The following MAST4 variants were observed in gnomAD, a reference collection of about 807,000 sequenced individuals.
MAST4 encodes microtubule-associated serine/threonine-protein kinase 4.
Under a neutral mutation model 162.7 loss-of-function variants are expected in MAST4, and 89 were observed. The observed-to-expected ratio is 0.55, with a 90% CI of 0.46 to 0.65. The LOEUF (loss-of-function observed/expected upper bound fraction) is 0.65. Ranked by LOEUF, MAST4 falls within the 30% of genes least tolerant of loss-of-function variation. The pLI, the probability that MAST4 is intolerant of heterozygous loss-of-function variation, is 0.00. For synonymous variants in MAST4, 1,479 were observed against 1,361.1 expected, an observed-to-expected ratio of 1.09 and a Z score of -1.91; for missense variants, 3,153 against 3,374.0, an observed-to-expected ratio of 0.93 and a Z score of 1.62.
intron 1 of MAST4, among the ~76,000 whole-genome samples, chr5:66,633,296 A>G (rs981719859): frequency 2.0e-5 from 3 of 152,194 alleles, no homozygotes; most frequent in African/African-American, 7.2e-5. Context: ...TCATGAAAAG[A>G]TTCCTCAACA....
chr5:66,716,061 T>TA (rs1750818894), intron 1 of MAST4, among the ~76,000 whole-genome samples: 3 of 151,794 alleles, frequency 2.0e-5, no homozygotes, highest in Admixed American at 6.6e-5. Context: ...GTATGATCAA[T>TA]AAAAAACCCT....
chr5:66,962,952 A>C (rs1746194599), intron 4 of MAST4, among the ~76,000 whole-genome samples: 4 of 152,242 alleles, frequency 2.6e-5, no homozygotes, highest in Admixed American at 2.0e-4. Flanking sequence ...CCCTAAAAAA[A>C]GAGACATGAG....
chr5:67,153,595 A>G lies in MAST4; in HGVS notation c.3648+15A>G. 1 of 1,560,882 alleles carries G rather than the reference A, an allele frequency of 6.4e-7. No homozygotes were observed. Among genetic ancestry groups the G allele is most frequent in the Non-Finnish European group, 8.7e-7 (1 of 1,152,594 alleles). ...TCCTACTGAAGGTATTGTATGTTTT[A>G]TGTCAGGGCCATGCTGATGAGACAG... On this transcript the variant is annotated intron_variant, in intron 26 of 28. Transcript: ENST00000403625.
At position 67,126,013 on chromosome 5, in the gene MAST4, CAT is replaced by C. The variant is rs1388259453; in HGVS notation, c.1746-4194_1746-4193del. On this transcript the variant is annotated intron_variant, in intron 14 of 28. Transcript: ENST00000403625. ...TGTCCAGTGATGATGAGCTTTTTTT[CAT>C]ATGTTTGTTGGCTGCATAAATGTCT... 7.9e-5 allele frequency among the ~76,000 whole-genome samples: 12 copies of C among 152,214 alleles called. No homozygotes were observed. In the East Asian group the frequency reaches 9.7e-4, roughly 12 times the overall value.
chr5:67,020,888 C>T lies in MAST4; in HGVS notation c.675-33516C>T, dbSNP rs572084242. Among the ~76,000 whole-genome samples the T allele has an allele frequency of 4.4e-4, 67 of 152,300 alleles. 1 individual carries two copies. The South Asian group carries it at 0.014, about 31-fold the overall frequency. ...TTTTGTGTACCGACCTTTATTAGAA[C>T]ACAGCTACACTGATTCCCATGGGAT... On this transcript the variant is annotated intron_variant, in intron 4 of 28. Coordinates refer to ENST00000403625, the MANE Select transcript of MAST4 (RefSeq NM_001164664.2).
chr5:66,734,493 C>T lies in MAST4; in HGVS notation c.364-25216C>T, dbSNP rs1194717505. Among the ~76,000 whole-genome samples, 3 of 152,170 alleles carry T rather than the reference C, an allele frequency of 2.0e-5. No homozygotes were observed. The East Asian group carries it at 5.8e-4, about 29-fold the overall frequency. Reference sequence around the variant, plus strand: ...TACCTCATTTGCATCAATTTACCTTCCTTTATAAATAGAAGAACTTAGCCG... The same window carrying T: ...TACCTCATTTGCATCAATTTACCTTTCTTTATAAATAGAAGAACTTAGCCG... On this transcript the variant is annotated intron_variant, in intron 1 of 28. Transcript: ENST00000403625.
chr5:66,803,911 G>A (rs1756045274), intron 3 of MAST4, among the ~76,000 whole-genome samples: 1 of 151,142 alleles, frequency 6.6e-6, no homozygotes, highest in South Asian at 2.1e-4. Context: ...TTTCCACATT[G>A]CCTACTGAGT....
At chr5:66,760,148 G>A (rs910288495) in intron 2 of MAST4, among the ~76,000 whole-genome samples, 21 of 150,268 alleles carry the variant, frequency 1.4e-4, no homozygotes, top group South Asian at 4.2e-4. Context: ...GTCTCGCTCC[G>A]TTGCTAGGCT....
At chr5:66,749,794 G>A (rs1370657210) in intron 1 of MAST4, among the ~76,000 whole-genome samples, 1 of 152,240 alleles carries the variant, frequency 6.6e-6, no homozygotes, top group Non-Finnish European at 1.5e-5. Flanking sequence ...AATTAGGATA[G>A]TAAGTGTCAG....
At chr5:66,878,955 A>G (rs1207038817) in intron 3 of MAST4, among the ~76,000 whole-genome samples, 2 of 152,240 alleles carry the variant, frequency 1.3e-5, no homozygotes, top group South Asian at 2.1e-4. Flanking sequence ...GCTCATACGC[A>G]TAGGAAATGA....
At chr5:66,924,820 G>A (rs1764780119) in intron 4 of MAST4, among the ~76,000 whole-genome samples, 1 of 152,200 alleles carries the variant, frequency 6.6e-6, no homozygotes, top group South Asian at 2.1e-4. Context: ...GGAAAAGATA[G>A]TTTACAAAGC....
chr5:67,166,469 G>C lies in MAST4; in HGVS notation c.7290G>C (p.Glu2430Asp), dbSNP rs773250991. The change falls in exon 29 of 29, where the codon GAG becomes GAC. Residue 2430 changes from glutamate (E) to aspartate (D), a missense_variant. Glu to Asp is a conservative substitution (Grantham distance 45, BLOSUM62 2). Transcript: ENST00000403625. ...CCGGTCCCCAGAAGCCACCGACGGA[G>C]GCAGACAAGCCCAATGGCATGAAAC... ...KGPGPQKPPT[E>D]ADKPNGMKRS... 1 of 1,603,004 alleles carries C rather than the reference G, an allele frequency of 6.2e-7. No individual in the cohort carries two copies. The highest frequency in any genetic ancestry group is 8.5e-7 in the Non-Finnish European group (1 of 1,174,240).
At chr5:66,629,761 T>G (rs1744677265) in intron 1 of MAST4, among the ~76,000 whole-genome samples, 1 of 152,192 alleles carries the variant, frequency 6.6e-6, no homozygotes, top group African/African-American at 2.4e-5. Flanking sequence ...TATTAACAAG[T>G]TGTTATAGTG....
intron 3 of MAST4, among the ~76,000 whole-genome samples, chr5:66,859,164 T>G (rs1759903771): frequency 6.6e-6 from 1 of 152,198 alleles, no homozygotes; most frequent in South Asian, 2.1e-4. Flanking sequence ...GGACTTTTAG[T>G]ATCTTGATAA....
intron 4 of MAST4, among the ~76,000 whole-genome samples, chr5:67,017,851 C>G (rs1465635484): frequency 1.3e-5 from 2 of 152,034 alleles, no homozygotes; most frequent in Non-Finnish European, 2.9e-5. Flanking sequence ...GCCACCTCGG[C>G]CTCCCAAAGT....
intron 1 of MAST4, among the ~76,000 whole-genome samples, chr5:66,614,881 C>T (rs1302576772): frequency 6.6e-6 from 1 of 152,112 alleles, no homozygotes; most frequent in Non-Finnish European, 1.5e-5. Context: ...CAGCGAAAGA[C>T]AAGGCATCCT....
At chr5:67,114,300 A>C in intron 12 of MAST4, 81 bp downstream of exon 12, 1 of 1,488,556 alleles carries the variant, frequency 6.7e-7, no homozygotes, top group Non-Finnish European at 9.0e-7. Flanking sequence ...GCAAGTCTTT[A>C]TTTTTCCTCA....
intron 2 of MAST4, among the ~76,000 whole-genome samples, chr5:66,775,219 G>T (rs920139682): frequency 6.6e-6 from 1 of 152,110 alleles, no homozygotes; most frequent in African/African-American, 2.4e-5. Flanking sequence ...TAATGAAATG[G>T]CTAGAAGAAA....
rs759290966 is a variant in MAST4 at position 66,788,692 on chromosome 5, G to A, written c.540G>A (p.Pro180=). 59 of 1,471,274 alleles carry A rather than the reference G, an allele frequency of 4.0e-5. No individual in the cohort carries two copies. The highest frequency in any genetic ancestry group is 6.1e-5 in the African/African-American group (4 of 65,422). The allele number at this position is 1,471,274 out of a possible 1,614,324, so 91.1% of individuals were successfully genotyped here. The change falls in exon 3 of 29, where the codon CCG becomes CCA. Residue 180 remains proline, a synonymous_variant. Coordinates refer to ENST00000403625, the MANE Select transcript of MAST4 (RefSeq NM_001164664.2). The part of the protein sequence containing the change: ...ALTGRYLLPN[P]VAGQAWPASA... ...CAGGGAGGTACCTTCTTCCAAACCC[G>A]GTGGCGGGACAGGCCTGGCCGGCCT...
Sources: gnomAD v4.1 joint callset for allele counts (sites outside exome capture counted in the v4.1 genomes callset) on GRCh38, gnomAD v4.1.1 for gene constraint, MANE v1.5 for transcripts, NCBI Gene and HGNC (gene_info 2026-07-23, HGNC 2026-07-21) for gene names.